OPCML: variants seen among roughly 807,000 people sequenced by gnomAD.
OPCML encodes the protein opioid binding protein/cell adhesion molecule like.
OPCML carries 13 observed loss-of-function variants against 37.8 expected under a neutral mutation model. The observed-to-expected ratio is 0.34, with a 90% CI of 0.22 to 0.55. The LOEUF (loss-of-function observed/expected upper bound fraction) is 0.55, where lower values mean the gene tolerates loss of function less well. Among genes scored for constraint, OPCML ranks in the 20% least tolerant of loss-of-function variants. OPCML has a pLI of 0.91. For missense variants in OPCML, 341 were observed against 435.6 expected (o/e 0.78, Z 1.93); for synonymous variants, 176 against 168.8 (o/e 1.04, Z -0.33).
chr11:133,182,394 A>G (rs752311566), intron 1 of OPCML, among the ~76,000 whole-genome samples: 1 of 152,248 alleles, frequency 6.6e-6, no homozygotes, highest in Non-Finnish European at 1.5e-5. Context: ...TCTAAGCTGA[A>G]CAGATCTCTT....
Position 133,177,338 on chromosome 11 carries a change from G to A in OPCML, c.62-234328C>T, listed in dbSNP as rs1313683423. ...TTTAAGATTCTATCATTTGAAGGAA[G>A]GAAGTGGAGAGGGCTATAAATTCTG... On this transcript the variant is annotated intron_variant, in intron 1 of 7. Coordinates refer to ENST00000524381, the MANE Select transcript of OPCML (RefSeq NM_001012393.5). This position sits in a 1 kb window ranked among gnomAD's most constrained non-coding sequence, Gnocchi z 5.0. Among the ~76,000 whole-genome samples the A allele has an allele frequency of 1.3e-5, 2 of 152,142 alleles. No homozygotes were observed. Among genetic ancestry groups the A allele is most frequent in the Admixed American group, 6.5e-5 (1 of 15,286 alleles).
chr11:133,055,890 C>T (rs1174344794), intron 1 of OPCML, among the ~76,000 whole-genome samples: 1 of 146,306 alleles, frequency 6.8e-6, no homozygotes, highest in African/African-American at 2.6e-5. Flanking sequence ...TGGTGAGACC[C>T]CGTGAGGGAG....
chr11:133,478,456 C>T (rs939541420), intron 1 of OPCML, among the ~76,000 whole-genome samples: 1 of 149,982 alleles, frequency 6.7e-6, no homozygotes, highest in Non-Finnish European at 1.5e-5. Context: ...TTGTGTAGAT[C>T]GTGTCATAGT....
chr11:133,500,818 GAACA>G (rs1468812633), intron 1 of OPCML, among the ~76,000 whole-genome samples: 1 of 152,198 alleles, frequency 6.6e-6, no homozygotes, highest in East Asian at 1.9e-4. Context: ...CGAATTTTGA[GAACA>G]AACTCAGAGA....
chr11:132,668,932 G>A (rs1942339081), intron 2 of OPCML, among the ~76,000 whole-genome samples: 1 of 151,960 alleles, frequency 6.6e-6, no homozygotes, highest in African/African-American at 2.4e-5. Flanking sequence ...TCCCTCTGAG[G>A]TTTATTTTCT....
chr11:133,312,471 G>A lies in OPCML; in HGVS notation c.61+219793C>T, dbSNP rs368604036. ...AGAATGAAATCAGAGAAGATGAGCC[G>A]TAGCCCTGAATAGGCTGTTTGAATT... On this transcript the variant is annotated intron_variant, in intron 1 of 7. Coordinates refer to ENST00000524381, the MANE Select transcript of OPCML (RefSeq NM_001012393.5). 1.4e-4 allele frequency among the ~76,000 whole-genome samples: 21 copies of A among 152,208 alleles called. No individual in the cohort carries two copies. In the East Asian group the frequency reaches 1.7e-3, roughly 13 times the overall value.
At chr11:132,840,751 G>A (rs1361910272) in intron 2 of OPCML, among the ~76,000 whole-genome samples, 4 of 152,060 alleles carry the variant, frequency 2.6e-5, no homozygotes, top group African/African-American at 9.7e-5. Context: ...CCTTATGAAG[G>A]GTGGGAATTC....
chr11:132,655,815 C>T (rs545960508), intron 3 of OPCML, among the ~76,000 whole-genome samples: 4 of 151,372 alleles, frequency 2.6e-5, no homozygotes, highest in East Asian at 1.9e-4. Flanking sequence ...ACAGCCCCCA[C>T]GCAACCTCTC....
chr11:132,583,598 C>A (rs1371991979), intron 3 of OPCML, among the ~76,000 whole-genome samples: 12 of 152,066 alleles, frequency 7.9e-5, no homozygotes, highest in Non-Finnish European at 4.4e-5. Context: ...CTGAGCCCAG[C>A]CATAGGCTGA....
chr11:133,445,976 A>G (rs1946466394), intron 1 of OPCML, among the ~76,000 whole-genome samples: 1 of 152,188 alleles, frequency 6.6e-6, no homozygotes, highest in Admixed American at 6.5e-5. Context: ...TGTGATTTGC[A>G]TGATCTAAAA....
chr11:132,545,511 G>T (rs918257533), intron 3 of OPCML, among the ~76,000 whole-genome samples: 2 of 152,116 alleles, frequency 1.3e-5, no homozygotes, highest in African/African-American at 4.8e-5. Context: ...CTTTTCAAAA[G>T]TTGATACATT....
chr11:133,373,713 A>G (rs1944736603), intron 1 of OPCML, among the ~76,000 whole-genome samples: 1 of 152,044 alleles, frequency 6.6e-6, no homozygotes, highest in African/African-American at 2.4e-5. Flanking sequence ...ATCTTACCAA[A>G]AAAATAAGTA....
At chr11:133,040,105 C>T (rs1565412948) in intron 1 of OPCML, among the ~76,000 whole-genome samples, 1 of 151,774 alleles carries the variant, frequency 6.6e-6, no homozygotes, top group South Asian at 2.1e-4. Context: ...AAGCAGAACA[C>T]GTCCAGAATT....
intron 1 of OPCML, among the ~76,000 whole-genome samples, chr11:133,491,535 T>C (rs1947658635): frequency 6.6e-6 from 1 of 152,192 alleles, no homozygotes; most frequent in South Asian, 2.1e-4. Context: ...AAGGAATTCC[T>C]GCTTTCTATT....
intron 2 of OPCML, among the ~76,000 whole-genome samples, chr11:132,659,279 T>C (rs773164890): frequency 1.2e-4 from 18 of 152,186 alleles, no homozygotes; most frequent in Non-Finnish European, 2.4e-4. Context: ...TCAAAGGCTT[T>C]TCTTGGGGAA....
intron 4 of OPCML, among the ~76,000 whole-genome samples, chr11:132,482,991 TC>T (rs1178881604): frequency 1.7e-4 from 21 of 122,874 alleles, no homozygotes; most frequent in African/African-American, 6.7e-4. Flanking sequence ...CTGGAAGCAT[TC>T]CCTTTGAAAA....
intron 1 of OPCML, among the ~76,000 whole-genome samples, chr11:132,999,656 G>A (rs956382560): frequency 6.6e-6 from 1 of 152,082 alleles, no homozygotes; most frequent in Admixed American, 6.5e-5. Flanking sequence ...TGCCACGAGC[G>A]TGCCTGTGTG....
At chr11:132,755,838 T>A (rs1427609062) in intron 2 of OPCML, among the ~76,000 whole-genome samples, 1 of 152,168 alleles carries the variant, frequency 6.6e-6, no homozygotes, top group Non-Finnish European at 1.5e-5. Context: ...TTTCTACACA[T>A]CTCCAGAGTG....
intron 3 of OPCML, among the ~76,000 whole-genome samples, chr11:132,547,287 C>A (rs562009886): frequency 1.3e-4 from 20 of 152,142 alleles, no homozygotes; most frequent in Non-Finnish European, 2.6e-4. Context: ...AGAAAGCTGA[C>A]CTTGAGGCAT....
Sources: gnomAD v4.1 joint callset for allele counts (sites outside exome capture counted in the v4.1 genomes callset) on GRCh38, gnomAD v4.1.1 for gene constraint, Gnocchi (gnomAD v3.1) non-coding constraint, MANE v1.5 for transcripts, NCBI Gene and HGNC (gene_info 2026-07-23, HGNC 2026-07-21) for gene names.